Variants in CREBRF observed in about 807,000 individuals in gnomAD.
CREBRF encodes the protein CREB3 regulatory factor, also known as UPF0474 protein C5orf41.
A neutral mutation model predicts 66.1 loss-of-function variants in CREBRF; 5 were observed. The ratio of observed to expected loss-of-function variants is 0.08; its 90% CI spans 0.04 to 0.16. CREBRF has a LOEUF of 0.16. Among genes scored for constraint, CREBRF ranks in the 10% least tolerant of loss-of-function variants. The pLI is 1.00. For synonymous variants in CREBRF, 229 were observed against 264.4 expected (o/e 0.87, Z 1.30); for missense variants, 531 against 744.9 (o/e 0.71, Z 3.34).
intron 4 of CREBRF, among the ~76,000 whole-genome samples, chr5:173,101,117 A>G (rs1372669039): frequency 2.0e-5 from 3 of 152,024 alleles, no homozygotes; most frequent in Non-Finnish European, 4.4e-5. Flanking sequence ...GCTAGAGTGC[A>G]ATGGCGTGAT....
chr5:173,058,028 C>G (rs548034980), intron 1 of CREBRF, among the ~76,000 whole-genome samples: 1 of 147,268 alleles, frequency 6.8e-6, no homozygotes, highest in South Asian at 2.2e-4. Flanking sequence ...GGATCAAGGC[C>G]TGGAATTTCT....
intron 7 of CREBRF, among the ~76,000 whole-genome samples, chr5:173,116,823 G>A (rs891330868): frequency 6.6e-6 from 1 of 152,206 alleles, no homozygotes; most frequent in African/African-American, 2.4e-5. Flanking sequence ...CCAACTGACT[G>A]TGCCATTTTG....
chr5:173,062,929 A>C (rs1757320451), intron 1 of CREBRF, among the ~76,000 whole-genome samples: 1 of 151,596 alleles, frequency 6.6e-6, no homozygotes. Context: ...TTGTATTTTT[A>C]GTAGAGACGG....
chr5:173,102,795 A>G (rs1758658094), intron 4 of CREBRF, among the ~76,000 whole-genome samples: 2 of 152,058 alleles, frequency 1.3e-5, no homozygotes, highest in South Asian at 2.1e-4. Context: ...CCCTGAGCCT[A>G]GGTCTGCAGC....
At chr5:173,132,584 C>T (rs190155085) in intron 8 of CREBRF, among the ~76,000 whole-genome samples, 2,290 of 4,558 alleles carry the variant, frequency 0.5, 1,066 homozygotes, top group African/African-American at 0.62. Flanking sequence ...CCCCCTCCCC[C>T]TCCCCTCCCG....
intron 8 of CREBRF, among the ~76,000 whole-genome samples, chr5:173,129,373 C>T (rs1163667964): frequency 1.3e-5 from 2 of 151,980 alleles, no homozygotes; most frequent in Non-Finnish European, 2.9e-5. Flanking sequence ...GCCTCGGCCT[C>T]CCAAAGTGCT....
chr5:173,098,966 A>C (rs1356086720), intron 4 of CREBRF, among the ~76,000 whole-genome samples: 1 of 151,484 alleles, frequency 6.6e-6, no homozygotes, highest in Non-Finnish European at 1.5e-5. Flanking sequence ...TGCAGTGTCA[A>C]CTACTTGGGC....
intron 1 of CREBRF, among the ~76,000 whole-genome samples, chr5:173,074,393 T>C (rs1053247000): frequency 1.3e-5 from 2 of 152,036 alleles, no homozygotes; most frequent in East Asian, 1.9e-4. Flanking sequence ...AAGATTAAAG[T>C]TGGATAGGAG....
intron 1 of CREBRF, among the ~76,000 whole-genome samples, chr5:173,058,706 C>A (rs1193017493): frequency 6.7e-6 from 1 of 150,056 alleles, no homozygotes; most frequent in East Asian, 2.0e-4. Context: ...AGGACGGTCT[C>A]GATCTCCTGA....
At chr5:173,104,428 C>T (rs1758700825) in intron 4 of CREBRF, among the ~76,000 whole-genome samples, 1 of 152,026 alleles carries the variant, frequency 6.6e-6, no homozygotes, top group Non-Finnish European at 1.5e-5. Context: ...TGCCCGTAAT[C>T]TCAGCACTTT....
At chr5:173,121,106 G>T (rs1581044215) in intron 7 of CREBRF, among the ~76,000 whole-genome samples, 1 of 152,254 alleles carries the variant, frequency 6.6e-6, no homozygotes, top group Admixed American at 6.5e-5. Flanking sequence ...AATATCTGTA[G>T]ATTCTAAAGT....
At chr5:173,115,625 C>T (rs1377522138) in intron 7 of CREBRF, among the ~76,000 whole-genome samples, 1 of 151,866 alleles carries the variant, frequency 6.6e-6, no homozygotes, top group Admixed American at 6.6e-5. Context: ...ATATATTGGC[C>T]CTGAATGTAG....
At chr5:173,128,372 C>T (rs947150381) in intron 8 of CREBRF, among the ~76,000 whole-genome samples, 9 of 151,678 alleles carry the variant, frequency 5.9e-5, no homozygotes, top group South Asian at 2.1e-4. Context: ...TAATGTTCTG[C>T]GGGAGTTTTA....
intron 7 of CREBRF, among the ~76,000 whole-genome samples, chr5:173,118,008 G>A (rs905390905): frequency 6.6e-6 from 1 of 151,992 alleles, no homozygotes; most frequent in Non-Finnish European, 1.5e-5. Context: ...CAAGTAGCTG[G>A]GACTACAGGA....
chr5:173,135,914 A>C lies in CREBRF; in HGVS notation c.*2169A>C, dbSNP rs1277342958. 6.6e-6 allele frequency: 1 copy of C among 152,526 alleles called. No individual in the cohort carries two copies. Among genetic ancestry groups the C allele is most frequent in the Non-Finnish European group, 1.5e-5 (1 of 67,962 alleles). 9.4% of individuals were successfully genotyped at this position (152,526 alleles called of 1,614,324 possible). On this transcript the variant is annotated 3_prime_UTR_variant, in exon 9 of 9. Transcript: ENST00000296953. ...TACCTGGTTTGTACATTCACGCTAA[A>C]CAGATGATAAGCTCAAGTCTGATGG...
At chr5:173,115,084 G>GT (rs1217982045) in intron 7 of CREBRF, among the ~76,000 whole-genome samples, 1 of 150,654 alleles carries the variant, frequency 6.6e-6, no homozygotes, top group Non-Finnish European at 1.5e-5. Flanking sequence ...ATTTTATAGT[G>GT]TTTTTTCTTT....
chr5:173,134,471 T>C lies in CREBRF; in HGVS notation c.*726T>C. 1 of 220,636 alleles carries C rather than the reference T, an allele frequency of 4.5e-6. No homozygotes were observed. Among genetic ancestry groups the C allele is most frequent in the Non-Finnish European group, 9.3e-6 (1 of 107,198 alleles). The allele number at this position is 220,636 out of a possible 1,614,324, so 13.7% of individuals were successfully genotyped here. On this transcript the variant is annotated 3_prime_UTR_variant, in exon 9 of 9. Coordinates refer to ENST00000296953, the MANE Select transcript of CREBRF (RefSeq NM_153607.3). Reference sequence around the variant, plus strand: ...AATGTTTTTTTGTTCCAACTCTTTTTCAGATTTTTTGAATGTATATAGGAC... The same window carrying C: ...AATGTTTTTTTGTTCCAACTCTTTTCCAGATTTTTTGAATGTATATAGGAC...
chr5:173,092,208 A>G (rs1213372423), intron 4 of CREBRF: 2 of 961,688 alleles, frequency 2.1e-6, no homozygotes, highest in Admixed American at 1.2e-4. Flanking sequence ...TACTCATTCC[A>G]ATACCCAACA....
intron 1 of CREBRF, among the ~76,000 whole-genome samples, chr5:173,058,222 T>C (rs1212171585): frequency 6.6e-6 from 1 of 152,152 alleles, no homozygotes; most frequent in African/African-American, 2.4e-5. Flanking sequence ...CTAATTGTAT[T>C]ATGGTTATTT....
Sources: gnomAD v4.1 joint callset for allele counts (sites outside exome capture counted in the v4.1 genomes callset) on GRCh38, gnomAD v4.1.1 for gene constraint, MANE v1.5 for transcripts, NCBI Gene and HGNC (gene_info 2026-07-23, HGNC 2026-07-21) for gene names.